The following SLC25A28 variants were observed in gnomAD, a reference collection of about 807,000 sequenced individuals.
SLC25A28 encodes mitoferrin-2.
Under a neutral mutation model 31.9 loss-of-function variants are expected in SLC25A28, and 10 were observed. That is an observed-to-expected ratio of 0.31 (90% CI 0.19 to 0.53). SLC25A28 has a LOEUF of 0.53. Among genes scored for constraint, SLC25A28 ranks in the 20% least tolerant of loss-of-function variants. SLC25A28 has a pLI of 0.95. For synonymous variants in SLC25A28, 208 were observed against 203.6 expected (o/e 1.02, Z -0.19); for missense variants, 256 against 490.3 (o/e 0.52, Z 4.51).
At chr10:99,647,622 C>G in the SLC25A28 span, among the ~76,000 whole-genome samples, 1 of 152,258 alleles carries the variant, frequency 6.6e-6, no homozygotes, top group South Asian at 2.1e-4. Flanking sequence ...TGTCTGTTTA[C>G]TCTGTTCTTT....
chr10:99,648,760 T>G, the SLC25A28 span, among the ~76,000 whole-genome samples: 1 of 151,924 alleles, frequency 6.6e-6, no homozygotes, highest in Admixed American at 6.5e-5. Context: ...AGATTGTTAT[T>G]GTTGTATAGA....
At chr10:99,619,896 A>C in intron 1 of SLC25A28, 149 bp downstream of exon 1, 1 of 742,870 alleles carries the variant, frequency 1.3e-6, no homozygotes, top group Non-Finnish European at 2.0e-6. Context: ...CCTTGCTTGA[A>C]TGGAGTGTCG....
At chr10:99,656,817 T>C in the SLC25A28 span, among the ~76,000 whole-genome samples, 8 of 152,236 alleles carry the variant, frequency 5.3e-5, no homozygotes, top group Admixed American at 3.3e-4. Flanking sequence ...TGTTGCAACA[T>C]GTTGAGTTAC....
chr10:99,626,606 C>G, the SLC25A28 span, among the ~76,000 whole-genome samples: 7 of 152,284 alleles, frequency 4.6e-5, no homozygotes, highest in East Asian at 9.7e-4. Flanking sequence ...TAAAAACACC[C>G]AGGTTGTCAA....
chr10:99,640,483 T>A, the SLC25A28 span, among the ~76,000 whole-genome samples: 1 of 152,246 alleles, frequency 6.6e-6, no homozygotes, highest in African/African-American at 2.4e-5. Flanking sequence ...CTAGAGGATA[T>A]GTACTATCTC....
At chr10:99,651,357 C>G in the SLC25A28 span, among the ~76,000 whole-genome samples, 1 of 152,162 alleles carries the variant, frequency 6.6e-6, no homozygotes, top group Admixed American at 6.5e-5. Context: ...TATTTGCCAT[C>G]TGTATATCTT....
upstream of SLC25A28, chr10:99,620,562 C>A: frequency 9.8e-7 from 1 of 1,019,548 alleles, no homozygotes; most frequent in Non-Finnish European, 1.2e-6. Flanking sequence ...TTAGCGAAGT[C>A]GCCTGTCATT....
intron 2 of SLC25A28, among the ~76,000 whole-genome samples, chr10:99,612,994 C>G (rs1055105884): frequency 6.6e-6 from 1 of 152,186 alleles, no homozygotes; most frequent in Middle Eastern, 3.2e-3. Flanking sequence ...AACCTCACCA[C>G]AGAATCCCAC....
the SLC25A28 span, among the ~76,000 whole-genome samples, chr10:99,634,778 C>T: frequency 1.3e-5 from 2 of 152,112 alleles, no homozygotes; most frequent in South Asian, 4.1e-4. Flanking sequence ...CATCCAAATA[C>T]AAGAAGCACA....
At chr10:99,642,184 T>G in the SLC25A28 span, among the ~76,000 whole-genome samples, 1 of 152,232 alleles carries the variant, frequency 6.6e-6, no homozygotes, top group African/African-American at 2.4e-5. Flanking sequence ...CAATATTGAT[T>G]CTTCCTATCC....
At position 99,613,899 on chromosome 10, in the gene SLC25A28, T is replaced by C; in HGVS notation, c.317A>G (p.Asp106Gly). 1 of 1,612,798 alleles carries C rather than the reference T, an allele frequency of 6.2e-7. No individual in the cohort carries two copies. Among genetic ancestry groups the C allele is most frequent in the Non-Finnish European group, 8.5e-7 (1 of 1,179,294 alleles). The stretch of plus-strand genomic sequence containing the variant: ...CACATTGCGATAGCGGGCAGCTGGG[T>C]CAGGCTGTAGACTCTGCATCCGGGT... ...VKTRMQSLQP[D>G]PAARYRNVLE... Residue 106 changes from aspartate (D) to glycine (G), a missense_variant, in exon 2 of 4, where the codon GAC becomes GGC. Coordinates refer to ENST00000370495, the MANE Select transcript of SLC25A28 (RefSeq NM_031212.4). This position sits in a 1 kb window ranked among gnomAD's most constrained non-coding sequence, Gnocchi z 4.9.
the SLC25A28 span, chr10:99,654,040 A>G: frequency 1.3e-5 from 2 of 152,236 alleles, no homozygotes; most frequent in Admixed American, 1.3e-4. Flanking sequence ...TTGGTAGAGA[A>G]GTGAATGAAA....
chr10:99,612,471 T>G lies in SLC25A28; in HGVS notation c.577+72A>C, dbSNP rs78178035. 3.8e-3 allele frequency: 5,911 copies of G among 1,546,044 alleles called. 21 individuals carry two copies. The highest frequency in any genetic ancestry group is 9.5e-3 in the Middle Eastern group (56 of 5,876). On this transcript the variant is annotated intron_variant, in intron 3 of 3. Coordinates refer to ENST00000370495, the MANE Select transcript of SLC25A28 (RefSeq NM_031212.4). ...ACAGAATTTCCCACCAAAACTGATG[T>G]GCTTTCTTCTGCAAACTGTAAAGAA...
rs534212100 is a variant in SLC25A28 at position 99,610,661 on chromosome 10, G to A, written c.*188C>T. 1.5e-6 allele frequency: 1 copy of A among 650,902 alleles called. No individual in the cohort carries two copies. Among genetic ancestry groups the A allele is most frequent in the Non-Finnish European group, 2.6e-6 (1 of 382,828 alleles). The allele number at this position is 650,902 out of a possible 1,614,324, so 40.3% of individuals were successfully genotyped here. On this transcript the variant is annotated 3_prime_UTR_variant, in exon 4 of 4. Coordinates refer to ENST00000370495, the MANE Select transcript of SLC25A28 (RefSeq NM_031212.4). Reference sequence around the variant, plus strand: ...GTGTGCTTTGCTGCACGTGCTTAGGGCCTGGAAGGAAAGGTGGTGGCAACA... The same window carrying A: ...GTGTGCTTTGCTGCACGTGCTTAGGACCTGGAAGGAAAGGTGGTGGCAACA...
At chr10:99,638,656 A>G in the SLC25A28 span, among the ~76,000 whole-genome samples, 3 of 152,254 alleles carry the variant, frequency 2.0e-5, no homozygotes, top group Non-Finnish European at 4.4e-5. Flanking sequence ...AGAAGAAGAT[A>G]TACAAATGGC....
Position 99,611,450 on chromosome 10 carries a change from G to A in SLC25A28, c.578-84C>T, listed in dbSNP as rs901338559. On this transcript the variant is annotated intron_variant, in intron 3 of 3. Transcript: ENST00000370495. This position sits in a 1 kb window ranked among gnomAD's most constrained non-coding sequence, Gnocchi z 5.5. ...TATCCAGATTCAGAGCCCCAAGTCA[G>A]CAGATCAGCCAATGGAATAGAGAGA... 1 of 1,523,344 alleles carries A rather than the reference G, an allele frequency of 6.6e-7. No homozygotes were observed. Among genetic ancestry groups the A allele is most frequent in the African/African-American group, 1.4e-5 (1 of 72,904 alleles). 94.4% of individuals were successfully genotyped at this position (1,523,344 alleles called of 1,614,324 possible). A position where few individuals can be genotyped will look rare whatever the true frequency, so the allele number is the denominator to read the frequency against.
the SLC25A28 span, among the ~76,000 whole-genome samples, chr10:99,626,430 A>C: frequency 6.6e-6 from 1 of 152,082 alleles, no homozygotes; most frequent in African/African-American, 2.4e-5. Flanking sequence ...TTAATTTGCT[A>C]CTCCTCATCT....
At chr10:99,634,440 A>T in the SLC25A28 span, among the ~76,000 whole-genome samples, 7 of 126,686 alleles carry the variant, frequency 5.5e-5, no homozygotes, top group African/African-American at 1.8e-4. Context: ...GAAATAGCAT[A>T]AAAAAAAGCA....
the SLC25A28 span, among the ~76,000 whole-genome samples, chr10:99,656,908 CT>C: frequency 6.6e-6 from 1 of 152,204 alleles, no homozygotes; most frequent in Non-Finnish European, 1.5e-5. Context: ...GCCCTATGAG[CT>C]GTTAACCAGA....
Sources: gnomAD v4.1 joint callset for allele counts (sites outside exome capture counted in the v4.1 genomes callset) on GRCh38, gnomAD v4.1.1 for gene constraint, Gnocchi (gnomAD v3.1) non-coding constraint, MANE v1.5 for transcripts, NCBI Gene and HGNC (gene_info 2026-07-23, HGNC 2026-07-21) for gene names.